Variants in TIAM2 observed in about 807,000 individuals in gnomAD.
The protein encoded by TIAM2 is TIAM Rac1 associated GEF 2.
A neutral mutation model predicts 152.9 loss-of-function variants in TIAM2; 80 were observed. That is an observed-to-expected ratio of 0.52 (90% CI 0.44 to 0.63). The LOEUF (loss-of-function observed/expected upper bound fraction) is 0.63, where lower values mean the gene tolerates loss of function less well. Ranked by LOEUF, TIAM2 falls within the 30% of genes least tolerant of loss-of-function variation. The pLI is 0.00. For missense variants in TIAM2, 1,965 were observed against 2,120.1 expected, an observed-to-expected ratio of 0.93 and a Z score of 1.44; for synonymous variants, 804 against 838.0, an observed-to-expected ratio of 0.96 and a Z score of 0.70.
chr6:155,068,638 G>C (rs1777763340), intron 1 of TIAM2, among the ~76,000 whole-genome samples: 1 of 138,038 alleles, frequency 7.2e-6, no homozygotes. Flanking sequence ...TTGTATTTTT[G>C]TAGAGATCGG....
chr6:155,183,503 A>G lies in TIAM2; in HGVS notation c.3064+3A>G, dbSNP rs369483166. On this transcript the variant is annotated splice_donor_region_variant and intron_variant, in intron 14 of 26. Coordinates refer to ENST00000682666, the MANE Select transcript of TIAM2 (RefSeq NM_012454.4). ...CTTTAAAAAGAATACAGCCAATGGT[A>G]AGGCTTTGTTCTGTCTTCCTTCTTA... 6.2e-7 allele frequency: 1 copy of G among 1,609,496 alleles called. No individual in the cohort carries two copies. The highest frequency in any genetic ancestry group is 1.3e-5 in the African/African-American group (1 of 74,766).
At chr6:155,108,434 G>A (rs1778750882) in intron 2 of TIAM2, among the ~76,000 whole-genome samples, 1 of 152,168 alleles carries the variant, frequency 6.6e-6, no homozygotes, top group East Asian at 1.9e-4. Context: ...CGCCTTCTCC[G>A]GTCACATTAA....
At chr6:155,105,983 A>ATTTTATTTTAT (rs1554230734) in intron 2 of TIAM2, among the ~76,000 whole-genome samples, 1 of 140,524 alleles carries the variant, frequency 7.1e-6, no homozygotes, top group Non-Finnish European at 1.5e-5. Context: ...GGGTATTTTT[A>ATTTTATTTTAT]TTTATTTTAT....
chr6:155,044,428 G>A (rs906628820), intron 1 of TIAM2, among the ~76,000 whole-genome samples: 10 of 152,188 alleles, frequency 6.6e-5, no homozygotes, highest in East Asian at 1.9e-4. Flanking sequence ...TCGTTTAGCT[G>A]AACCCTGTCT....
intron 1 of TIAM2, among the ~76,000 whole-genome samples, chr6:155,019,677 G>A (rs1362103053): frequency 1.3e-5 from 2 of 152,200 alleles, no homozygotes; most frequent in East Asian, 3.8e-4. Flanking sequence ...GGGCCTACCG[G>A]CCAGCTGGCT....
intron 2 of TIAM2, among the ~76,000 whole-genome samples, chr6:155,107,396 C>T (rs538806778): frequency 6.6e-6 from 1 of 152,264 alleles, no homozygotes; most frequent in South Asian, 2.1e-4. Context: ...ATTGCAGTTG[C>T]CTGCGCCGTT....
chr6:155,063,415 A>ATATTGTGTC lies in TIAM2; in HGVS notation c.-208-26874_-208-26873insTATTGTGTC, dbSNP rs1379565593. On this transcript the variant is annotated intron_variant, in intron 1 of 26. Transcript: ENST00000682666. ...GGTATGTGTGTCCATGTAAATATGA[A>ATATTGTGTC]CACGTACAATTATGTGTGTATATTT... Among the ~76,000 whole-genome samples, 413 of 152,250 alleles carry ATATTGTGTC rather than the reference A, an allele frequency of 2.7e-3. 1 individual carries two copies. Among genetic ancestry groups the ATATTGTGTC allele is most frequent in the African/African-American group, 9.5e-3 (393 of 41,540 alleles).
intron 9 of TIAM2, among the ~76,000 whole-genome samples, chr6:155,171,316 C>T (rs920766132): frequency 3.9e-5 from 6 of 152,232 alleles, no homozygotes; most frequent in African/African-American, 7.2e-5. Context: ...TAACGAACGT[C>T]TGGATGAGTA....
rs1399240921 is a variant in TIAM2 at position 155,178,911 on chromosome 6, T to A, written c.2524-128T>A. On this transcript the variant is annotated intron_variant, in intron 10 of 26. Transcript: ENST00000682666. ...ATTTAAATTCGAGCTCTTATATAGG[T>A]TTAAATTCAGCAAATTATATGCAGT... 1.0e-5 allele frequency: 8 copies of A among 777,774 alleles called. No individual in the cohort carries two copies. In the African/African-American group the frequency reaches 1.4e-4, roughly 14 times the overall value. 48.2% of individuals were successfully genotyped at this position (777,774 alleles called of 1,614,324 possible).
intron 1 of TIAM2, among the ~76,000 whole-genome samples, chr6:155,023,845 C>T (rs1261917947): frequency 1.3e-5 from 2 of 152,166 alleles, no homozygotes; most frequent in African/African-American, 2.4e-5. Flanking sequence ...TTGTACATTA[C>T]TTAATTTATC....
At chr6:155,203,419 G>A (rs1404475803) in intron 14 of TIAM2, among the ~76,000 whole-genome samples, 1 of 152,094 alleles carries the variant, frequency 6.6e-6, no homozygotes, top group Non-Finnish European at 1.5e-5. Flanking sequence ...TAAATTCTGA[G>A]AAACTGAATA....
At chr6:155,044,648 C>G (rs1363282915) in intron 1 of TIAM2, among the ~76,000 whole-genome samples, 1 of 152,068 alleles carries the variant, frequency 6.6e-6, no homozygotes. Context: ...AACCCCGTCT[C>G]TACTAAAAAT....
intron 2 of TIAM2, among the ~76,000 whole-genome samples, chr6:155,095,682 C>T (rs530370095): frequency 6.6e-6 from 1 of 152,282 alleles, no homozygotes; most frequent in Middle Eastern, 3.4e-3. Context: ...AGATAGATGA[C>T]CTCTCTGGTC....
chr6:155,172,668 ATATATATATATATATATATTTTT>A (rs1780632601), intron 9 of TIAM2, among the ~76,000 whole-genome samples: 1 of 10,872 alleles, frequency 9.2e-5, no homozygotes, highest in African/African-American at 2.0e-4. Context: ...ATATATATAT[ATATATATATATATATATATTTTT>A]TTTTTTTTTT....
chr6:155,082,709 T>TAA (rs1562310405), intron 1 of TIAM2, among the ~76,000 whole-genome samples: 1 of 151,460 alleles, frequency 6.6e-6, no homozygotes, highest in African/African-American at 2.4e-5. Context: ...AATAAATAAA[T>TAA]ATCGTAGAAG....
At chr6:155,124,486 A>G (rs1779245268) in intron 2 of TIAM2, among the ~76,000 whole-genome samples, 1 of 152,108 alleles carries the variant, frequency 6.6e-6, no homozygotes, top group South Asian at 2.1e-4. Context: ...ATGCACCACC[A>G]TGCCTGGCTA....
chr6:155,118,377 C>T (rs1015087940), intron 2 of TIAM2, among the ~76,000 whole-genome samples: 1 of 151,728 alleles, frequency 6.6e-6, no homozygotes, highest in African/African-American at 2.4e-5. Flanking sequence ...TTTCTGTTCC[C>T]TGGAATTCCT....
In TIAM2 at chr6:155,235,665, T is replaced by C. The variant is rs1782715411; in HGVS notation, c.3169-4865T>C. Among the ~76,000 whole-genome samples, 3 of 152,240 alleles carry C rather than the reference T, an allele frequency of 2.0e-5. No homozygotes were observed. The South Asian group carries it at 6.2e-4, about 31-fold the overall frequency. On this transcript the variant is annotated intron_variant, in intron 15 of 26. Transcript: ENST00000682666. ...CCCAAGTAATCCTCACCAACTCCCT[T>C]AGACAACAGCTAAAATGTTAAGTGT...
intron 1 of TIAM2, among the ~76,000 whole-genome samples, chr6:155,069,915 T>C (rs947674283): frequency 3.4e-5 from 5 of 148,820 alleles, no homozygotes; most frequent in South Asian, 2.2e-4. Context: ...TCTTTTCTTT[T>C]TTTTTTTTTT....
Sources: allele counts gnomAD v4.1 joint callset (sites outside exome capture counted in the v4.1 genomes callset), GRCh38; gene constraint gnomAD v4.1.1; transcripts MANE v1.5; gene names NCBI Gene and HGNC (gene_info 2026-07-23, HGNC 2026-07-21).